CDH23: variants seen among roughly 807,000 people sequenced by gnomAD.
The protein encoded by CDH23 is cadherin-23.
A neutral mutation model predicts 317.1 loss-of-function variants in CDH23; 189 were observed. That is an observed-to-expected ratio of 0.60 (90% CI 0.53 to 0.67). The LOEUF is 0.67. Among genes scored for constraint, CDH23 ranks in the 30% least tolerant of loss-of-function variants. The probability of loss-of-function intolerance (pLI) is 0.00; values close to 1 mark genes in which losing one functional copy is unlikely to be tolerated. For synonymous variants in CDH23, 1,839 were observed against 1,876.8 expected (o/e 0.98, Z 0.52); for missense variants, 4,401 against 4,592.4 (o/e 0.96, Z 1.20).
intron 7 of CDH23, 87 bp downstream of exon 7, chr10:71,567,023 A>T: frequency 8.5e-7 from 1 of 1,170,700 alleles, no homozygotes; most frequent in Non-Finnish European, 1.2e-6. Context: ...TGGGACATTG[A>T]CCCAGTGGCA....
chr10:71,777,997 C>A (rs1022976885), intron 39 of CDH23, 96 bp downstream of exon 39: 3 of 1,469,992 alleles, frequency 2.0e-6, no homozygotes, highest in East Asian at 2.4e-5. Flanking sequence ...AGCAAAGATG[C>A]AGTCTAGGGG....
At chr10:71,792,852 AATATATATATAT>A (rs1554874675) in intron 47 of CDH23, among the ~76,000 whole-genome samples, 2 of 38,524 alleles carry the variant, frequency 5.2e-5, no homozygotes, top group African/African-American at 2.1e-4. Context: ...AAAAAAAAAA[AATATATATATAT>A]ATATATATAT....
chr10:71,738,942 T>C (rs1157574204), intron 35 of CDH23, among the ~76,000 whole-genome samples: 2 of 152,226 alleles, frequency 1.3e-5, no homozygotes, highest in African/African-American at 2.4e-5. Context: ...CCCAGCTCCC[T>C]GAGAGGACAT....
chr10:71,759,140 C>T (rs1184094202), intron 38 of CDH23, among the ~76,000 whole-genome samples: 3 of 151,906 alleles, frequency 2.0e-5, no homozygotes, highest in Non-Finnish European at 2.9e-5. Flanking sequence ...CGGGTTCAAG[C>T]GATTCTCTTG....
Position 71,643,977 on chromosome 10 carries a change from C to T in CDH23, c.1140+111C>T, listed in dbSNP as rs1367159757. 8.5e-6 allele frequency: 6 copies of T among 708,976 alleles called. No individual in the cohort carries two copies. In the East Asian group the frequency reaches 1.5e-4, roughly 18 times the overall value. The allele number at this position is 708,976 out of a possible 1,614,324, so 43.9% of individuals were successfully genotyped here. On this transcript the variant is annotated intron_variant, in intron 12 of 69. Coordinates refer to ENST00000224721, the MANE Select transcript of CDH23 (RefSeq NM_022124.6). The stretch of plus-strand genomic sequence containing the variant: ...CTCAGCCCTCCCCCACCCTCTCAGG[C>T]CCCCAGCTCCTGTGGTTGAGGGACC...
chr10:71,511,045 A>G, intron 5 of CDH23, 44 bp downstream of exon 5: 1 of 1,611,550 alleles, frequency 6.2e-7, no homozygotes, highest in Non-Finnish European at 8.5e-7. Context: ...CTGGGGTCAC[A>G]GGATTTCTGG....
At chr10:71,809,167 CTTTTTTTTTTTTTTT>C (rs61078259) in intron 60 of CDH23, among the ~76,000 whole-genome samples, 1 of 68,828 alleles carries the variant, frequency 1.5e-5, no homozygotes, top group Non-Finnish European at 2.5e-5. Context: ...TTTCTTTTTC[CTTTTTTTTTTTTTTT>C]TTTTTTTTTG....
chr10:71,540,147 G>T (rs1398663408), intron 6 of CDH23, among the ~76,000 whole-genome samples: 1 of 152,232 alleles, frequency 6.6e-6, no homozygotes, highest in Non-Finnish European at 1.5e-5. Flanking sequence ...CCGTCAGGCA[G>T]TATGATCTTC....
intron 28 of CDH23, among the ~76,000 whole-genome samples, chr10:71,722,869 A>G (rs1866621506): frequency 6.6e-6 from 1 of 152,098 alleles, no homozygotes; most frequent in Non-Finnish European, 1.5e-5. Flanking sequence ...TTAAGAGGAG[A>G]GAGTGGTGGG....
At position 71,797,120 on chromosome 10, in the gene CDH23, G is replaced by C; in HGVS notation, c.6729G>C (p.Lys2243Asn). 6.2e-7 allele frequency: 1 copy of C among 1,612,364 alleles called. No individual in the cohort carries two copies. The highest frequency in any genetic ancestry group is 8.5e-7 in the Non-Finnish European group (1 of 1,178,796). The change falls in exon 49 of 70, where the codon AAG becomes AAC. Residue 2243 changes from lysine (K) to asparagine (N), a missense_variant. Lys to Asn is a moderately conservative substitution (Grantham distance 94). Transcript: ENST00000224721. ...GGTCCACAGGATCTGTAATGGTGAA[G>C]TCCCCCATGAATCGGGAGCTGGTTG... ...VNINTGSVMV[K>N]SPMNRELVAT...
chr10:71,469,118 G>A (rs1398945351), intron 3 of CDH23, among the ~76,000 whole-genome samples: 1 of 152,172 alleles, frequency 6.6e-6, no homozygotes, highest in Non-Finnish European at 1.5e-5. Context: ...TTAAAGAAAA[G>A]CAATCTTTAT....
intron 37 of CDH23, 58 bp from the exon 38 acceptor site, chr10:71,741,636 C>A: frequency 1.4e-6 from 2 of 1,476,438 alleles, no homozygotes; most frequent in Non-Finnish European, 9.3e-7. Context: ...GGAGCAGGTG[C>A]CAGACTGTGC....
Position 71,677,485 on chromosome 10 carries a change from T to C in CDH23, c.1544T>C (p.Ile515Thr). ...TCGCTGGACAAGGACACGGGACTCA[T>C]CATGCTGATTGCCAGGCTGGACTAT... ...RFSLDKDTGL[I>T]MLIARLDYEL... Residue 515 changes from isoleucine to threonine, a missense_variant, in exon 16 of 70, where the codon ATC becomes ACC. Physicochemically the swap from Ile to Thr is moderately conservative, Grantham distance 89. Around this residue, in one of 3 missense-constraint regions of CDH23, gnomAD observed 3,068 missense variants for 3,203.3 expected, o/e 0.96. Coordinates refer to ENST00000224721, the MANE Select transcript of CDH23 (RefSeq NM_022124.6). 6.2e-7 allele frequency: 1 copy of C among 1,611,348 alleles called. No homozygotes were observed. The highest frequency in any genetic ancestry group is 8.5e-7 in the Non-Finnish European group (1 of 1,179,058).
chr10:71,672,194 C>T (rs921787784), intron 14 of CDH23, among the ~76,000 whole-genome samples: 2 of 151,934 alleles, frequency 1.3e-5, no homozygotes, highest in Admixed American at 1.3e-4. Context: ...GAGGGAGGGG[C>T]GCTGTTCAAG....
intron 34 of CDH23, among the ~76,000 whole-genome samples, chr10:71,736,213 C>A (rs1219768100): frequency 6.6e-6 from 1 of 152,240 alleles, no homozygotes; most frequent in Non-Finnish European, 1.5e-5. Context: ...AGGGCCCACC[C>A]CCTTTTGTTC....
At chr10:71,519,594 A>C (rs1329918284) in intron 6 of CDH23, among the ~76,000 whole-genome samples, 1 of 152,210 alleles carries the variant, frequency 6.6e-6, no homozygotes, top group East Asian at 1.9e-4. Flanking sequence ...GGCTGTGCAC[A>C]TGTGGGCTCT....
chr10:71,759,820 TACAC>T (rs1289055534), intron 38 of CDH23, among the ~76,000 whole-genome samples: 1 of 85,276 alleles, frequency 1.2e-5, no homozygotes, highest in Non-Finnish European at 2.5e-5. Flanking sequence ...TCAGAAAATA[TACAC>T]ACACACACAC....
Position 71,638,689 on chromosome 10 carries a change from C to T in CDH23, c.1135-5172C>T, listed in dbSNP as rs547257381. On this transcript the variant is annotated intron_variant, in intron 11 of 69. Transcript: ENST00000224721. ...CCCTCCCTCCCAAGGGAGTATTTAA[C>T]GAGCTGATGTCTGTTGAGGGCCCAA... Among the ~76,000 whole-genome samples, 44 of 152,290 alleles carry T rather than the reference C, an allele frequency of 2.9e-4. 1 individual carries two copies. In the South Asian group the frequency reaches 3.7e-3, roughly 13 times the overall value.
In CDH23 at chr10:71,779,433, A is replaced by T. The variant is rs983649634; in HGVS notation, c.5354A>T (p.Asp1785Val). The T allele has an allele frequency of 1.2e-6, 2 of 1,606,410 alleles. No homozygotes were observed. The highest frequency in any genetic ancestry group is 3.3e-5 in the Admixed American group (2 of 59,832). Residue 1785 changes from aspartate to valine, a missense_variant, in exon 41 of 70, where the codon GAT becomes GTT. By Grantham distance (152) the Asp-to-Val change is radical. This residue lies in a region of CDH23 where 3,068 missense variants were observed against 3,203.3 expected (regional missense o/e 0.96). Transcript: ENST00000224721. ...GGGCAGGTGGAGTACAGCATCATGG[A>T]TGGAGACCCTCTGGGTGAGTGGGGC... The part of the protein sequence containing the change: ...PNGQVEYSIM[D>V]GDPLGEFVIS...
Sources: gnomAD v4.1 joint callset for allele counts (sites outside exome capture counted in the v4.1 genomes callset) on GRCh38, gnomAD v4.1.1 for gene constraint, gnomAD v4.1.1 regional missense constraint, MANE v1.5 for transcripts, NCBI Gene and HGNC (gene_info 2026-07-23, HGNC 2026-07-21) for gene names.